Variants in CACNB2 observed in about 807,000 individuals in gnomAD.
CACNB2 encodes the protein calcium voltage-gated channel auxiliary subunit beta 2, also known as voltage-dependent L-type calcium channel subunit beta-2.
A neutral mutation model predicts 73.3 loss-of-function variants in CACNB2; 42 were observed. The ratio of observed to expected loss-of-function variants is 0.57; its 90% confidence interval spans 0.45 to 0.74. The LOEUF (loss-of-function observed/expected upper bound fraction) is 0.74, where lower values mean the gene tolerates loss of function less well. Among genes scored for constraint, CACNB2 ranks in the 30% least tolerant of loss-of-function variants. CACNB2 has a pLI of 0.00. For missense variants in CACNB2, 940 were observed against 853.0 expected, an observed-to-expected ratio of 1.10 and a Z score of -1.27; for synonymous variants, 348 against 310.3, an observed-to-expected ratio of 1.12 and a Z score of -1.28.
chr10:18,526,642 T>C (rs1318485053), intron 9 of CACNB2, among the ~76,000 whole-genome samples: 1 of 152,206 alleles, frequency 6.6e-6, no homozygotes, highest in African/African-American at 2.4e-5. Context: ...TATTTCCAGT[T>C]CCCAAATTTT....
chr10:18,296,006 T>G (rs959201642), intron 2 of CACNB2, among the ~76,000 whole-genome samples: 1 of 146,492 alleles, frequency 6.8e-6, no homozygotes, highest in African/African-American at 2.6e-5. Flanking sequence ...GTGTTTTTTT[T>G]TTTTTTTTTT....
At chr10:18,140,988 C>T in intron 1 of CACNB2, 132 bp downstream of exon 1, 3 of 1,522,460 alleles carry the variant, frequency 2.0e-6, no homozygotes, top group Non-Finnish European at 2.6e-6. Context: ...TGCCCACCCT[C>T]TGCTCCTCTC....
chr10:18,413,177 G>T (rs569960213), intron 3 of CACNB2, among the ~76,000 whole-genome samples: 1 of 152,246 alleles, frequency 6.6e-6, no homozygotes, highest in African/African-American at 2.4e-5. Flanking sequence ...TCACCCTGTT[G>T]ACCAGGCTGG....
intron 3 of CACNB2, among the ~76,000 whole-genome samples, chr10:18,476,110 C>T (rs1366920299): frequency 6.6e-6 from 1 of 152,108 alleles, no homozygotes; most frequent in African/African-American, 2.4e-5. Flanking sequence ...ATGAGTTTTC[C>T]AGGAAAGGTG....
intron 10 of CACNB2, among the ~76,000 whole-genome samples, chr10:18,529,015 AG>A (rs1200087105): frequency 6.6e-6 from 1 of 152,016 alleles, no homozygotes; most frequent in Non-Finnish European, 1.5e-5. Flanking sequence ...AATTTTTTGT[AG>A]AGAGGGAGTC....
chr10:18,316,160 T>C (rs1295445414), intron 2 of CACNB2, among the ~76,000 whole-genome samples: 1 of 152,130 alleles, frequency 6.6e-6, no homozygotes, highest in Non-Finnish European at 1.5e-5. Context: ...TACATTTACA[T>C]TTACATATAT....
chr10:18,303,169 G>A (rs551730967), intron 2 of CACNB2, among the ~76,000 whole-genome samples: 27 of 152,132 alleles, frequency 1.8e-4, no homozygotes, highest in East Asian at 3.9e-4. Flanking sequence ...ATGGCTGTGC[G>A]GGAGTGCTGG....
intron 2 of CACNB2, among the ~76,000 whole-genome samples, chr10:18,348,082 A>C (rs1383342724): frequency 2.6e-5 from 4 of 152,218 alleles, no homozygotes; most frequent in African/African-American, 7.2e-5. Flanking sequence ...TTAATGACTC[A>C]CATGTGATAT....
At chr10:18,278,702 T>G (rs180674521) in intron 2 of CACNB2, among the ~76,000 whole-genome samples, 115 of 152,104 alleles carry the variant, frequency 7.6e-4, no homozygotes, top group African/African-American at 2.5e-3. Context: ...TTTGGGCCAA[T>G]TGCTCCCTGA....
At position 18,273,974 on chromosome 10, in the gene CACNB2, C is replaced by G. The variant is rs182701992; in HGVS notation, c.213+122999C>G. Among the ~76,000 whole-genome samples, 538 of 152,204 alleles carry G rather than the reference C, an allele frequency of 3.5e-3. 2 individuals are homozygous for G. Among genetic ancestry groups the G allele is most frequent in the African/African-American group, 5.0e-3 (207 of 41,522 alleles). Reference sequence around the variant, plus strand: ...TTGTTGTTGGAACCACAGGTCTGAACAAACACTGTTCTGTTGAATATCTAG... The same window carrying G: ...TTGTTGTTGGAACCACAGGTCTGAAGAAACACTGTTCTGTTGAATATCTAG... On this transcript the variant is annotated intron_variant, in intron 2 of 13. Transcript: ENST00000324631.
intron 2 of CACNB2, among the ~76,000 whole-genome samples, chr10:18,370,957 C>T (rs1045940448): frequency 2.2e-4 from 34 of 152,058 alleles, no homozygotes; most frequent in African/African-American, 8.0e-4. Flanking sequence ...AAATATTTTA[C>T]GTGCATCTTT....
In CACNB2 at chr10:18,140,814, A is replaced by G. The variant is rs1281960623; in HGVS notation, c.78A>G (p.Leu26=). ...CGCAGGAGATCCAGATGGAACTGCT[A>G]GAGAACGTGGCTCCCGCGGGGGCGC... ...AVAQEIQMEL[L]ENVAPAGALG... The change falls in exon 1 of 14, where the codon CTA becomes CTG. Residue 26 remains leucine, a synonymous_variant. Transcript: ENST00000324631. 5.0e-6 allele frequency: 8 copies of G among 1,604,610 alleles called. No individual in the cohort carries two copies. The highest frequency in any genetic ancestry group is 2.2e-5 in the East Asian group (1 of 44,474).
intron 2 of CACNB2, among the ~76,000 whole-genome samples, chr10:18,278,081 A>G (rs2038376411): frequency 6.6e-6 from 1 of 152,254 alleles, no homozygotes; most frequent in African/African-American, 2.4e-5. Context: ...TTACAAGGAA[A>G]ATATTGTCCT....
chr10:18,292,708 A>G (rs974312340), intron 2 of CACNB2, among the ~76,000 whole-genome samples: 1 of 152,178 alleles, frequency 6.6e-6, no homozygotes, highest in African/African-American at 2.4e-5. Flanking sequence ...TACCAAAAAC[A>G]CAAAACCTAC....
chr10:18,419,459 T>C (rs1289199612), intron 3 of CACNB2, among the ~76,000 whole-genome samples: 3 of 152,206 alleles, frequency 2.0e-5, no homozygotes, highest in Non-Finnish European at 4.4e-5. Flanking sequence ...CACGGAGCCC[T>C]AGTCACACAG....
rs192289545 is a variant in CACNB2 at position 18,478,299 on chromosome 10, C to T, written c.334-20056C>T. ...CCCACAGAACATTCTGGAAAACCACCAGGGTAGAACCCTGACTTCTATTTG... is the reference window on the plus strand; with the variant it reads ...CCCACAGAACATTCTGGAAAACCACTAGGGTAGAACCCTGACTTCTATTTG... On this transcript the variant is annotated intron_variant, in intron 3 of 13. Transcript: ENST00000324631. Among the ~76,000 whole-genome samples, 63 of 152,298 alleles carry T rather than the reference C, an allele frequency of 4.1e-4. No homozygotes were observed. The East Asian group carries it at 7.5e-3, about 18-fold the overall frequency.
intron 2 of CACNB2, among the ~76,000 whole-genome samples, chr10:18,226,322 C>T (rs2035992239): frequency 6.6e-6 from 1 of 152,210 alleles, no homozygotes; most frequent in Admixed American, 6.5e-5. Context: ...CCACCGCCCC[C>T]AGACGGATGG....
intron 11 of CACNB2, among the ~76,000 whole-genome samples, chr10:18,534,745 T>C (rs762653743): frequency 8.3e-4 from 126 of 152,310 alleles, no homozygotes; most frequent in Admixed American, 1.9e-3. Context: ...TAAAACAAAG[T>C]ACACACAAAG....
intron 2 of CACNB2, among the ~76,000 whole-genome samples, chr10:18,242,844 A>G (rs2036710479): frequency 6.6e-6 from 1 of 150,440 alleles, no homozygotes; most frequent in African/African-American, 2.4e-5. Context: ...AAAAAAAACC[A>G]AAAAAACAAA....
Sources: gnomAD v4.1 joint callset for allele counts (sites outside exome capture counted in the v4.1 genomes callset) on GRCh38, gnomAD v4.1.1 for gene constraint, MANE v1.5 for transcripts, NCBI Gene and HGNC (gene_info 2026-07-23, HGNC 2026-07-21) for gene names.